PANK3: variants seen among roughly 807,000 people sequenced by gnomAD.
The protein encoded by PANK3 is pantothenate kinase 3.
PANK3 carries 20 observed loss-of-function variants against 39.4 expected under a neutral mutation model. The ratio of observed to expected loss-of-function variants is 0.51; its 90% CI spans 0.36 to 0.74. PANK3 has a LOEUF of 0.74. Ranked by LOEUF, PANK3 falls within the 30% of genes least tolerant of loss-of-function variation. The probability of loss-of-function intolerance (pLI) is 0.00; values close to 1 mark genes in which losing one functional copy is unlikely to be tolerated. For synonymous variants in PANK3, 140 were observed against 157.3 expected, an observed-to-expected ratio of 0.89 and a Z score of 0.82; for missense variants, 265 against 437.0, an observed-to-expected ratio of 0.61 and a Z score of 3.51.
At chr5:168,564,119 C>T in intron 3 of PANK3, 54 bp from the exon 4 acceptor site, 1 of 1,428,536 alleles carries the variant, frequency 7.0e-7, no homozygotes, top group South Asian at 1.5e-5. Context: ...TATTCTTTCT[C>T]TAAAGTAAAA....
At chr5:168,560,731 T>C (rs1225890735) in intron 5 of PANK3, among the ~76,000 whole-genome samples, 1 of 152,188 alleles carries the variant, frequency 6.6e-6, no homozygotes, top group Non-Finnish European at 1.5e-5. Flanking sequence ...TTTATAAAAA[T>C]TAAACGGGCA....
Position 168,561,398 on chromosome 5 carries a change from T to C in PANK3, c.931A>G (p.Asn311Asp). The stretch of plus-strand genomic sequence containing the variant: ...TGTGTTTTTTGTTTTTTTACCTCAT[T>C]AACAGCACACATTCGTGCCACAGAA... ...IGSVARMCAV[N>D]EKINRVVFVG... Residue 311 changes from asparagine to aspartate, a missense_variant, in exon 5 of 7, where the codon AAT becomes GAT. By Grantham distance (23) the Asn-to-Asp change is conservative. Coordinates refer to ENST00000239231, the MANE Select transcript of PANK3 (RefSeq NM_024594.4). The C allele has an allele frequency of 3.8e-6, 6 of 1,578,472 alleles. No individual in the cohort carries two copies. Among genetic ancestry groups the C allele is most frequent in the Non-Finnish European group, 5.1e-6 (6 of 1,166,304 alleles).
intron 1 of PANK3, 83 bp downstream of exon 1, chr5:168,579,173 G>A: frequency 7.6e-7 from 1 of 1,309,916 alleles, no homozygotes; most frequent in Non-Finnish European, 1.0e-6. Flanking sequence ...GACGGGCTTG[G>A]AAGCCGACCG....
intron 4 of PANK3, among the ~76,000 whole-genome samples, chr5:168,563,651 C>T (rs1175985740): frequency 1.3e-5 from 2 of 148,968 alleles, no homozygotes; most frequent in Non-Finnish European, 3.0e-5. Context: ...TTTGTATTTG[C>T]ATAAACACTG....
At chr5:168,561,953 CAATAGAA>C (rs1473874615) in intron 4 of PANK3, among the ~76,000 whole-genome samples, 15 of 152,148 alleles carry the variant, frequency 9.9e-5, no homozygotes, top group Non-Finnish European at 1.5e-4. Flanking sequence ...CAGCACTGTC[CAATAGAA>C]ATAAAATACG....
intron 2 of PANK3, among the ~76,000 whole-genome samples, chr5:168,567,862 C>T (rs1759561891): frequency 6.6e-6 from 1 of 152,174 alleles, no homozygotes; most frequent in South Asian, 2.1e-4. Context: ...TCAAGTGATC[C>T]TCCCACGTCA....
chr5:168,561,677 AAGAGT>A lies in PANK3; in HGVS notation c.813-166_813-162del, dbSNP rs532791477. Among the ~76,000 whole-genome samples, 719 of 152,300 alleles carry A rather than the reference AAGAGT, an allele frequency of 4.7e-3. 2 individuals are homozygous for A. The highest frequency in any genetic ancestry group is 0.017 in the African/African-American group (687 of 41,574). ...ACAAACTAACAAAAAAAATCTATGC[AAGAGT>A]AAAGTAATACCTTTCAAAGAATTAA... On this transcript the variant is annotated intron_variant, in intron 4 of 6. Transcript: ENST00000239231.
intron 5 of PANK3, chr5:168,560,963 C>T (rs201456319): frequency 1.6e-5 from 8 of 510,168 alleles, no homozygotes; most frequent in African/African-American, 3.9e-5. Context: ...GTAAAGAAGC[C>T]GAGGGCAGTA....
intron 1 of PANK3, among the ~76,000 whole-genome samples, chr5:168,575,305 C>T (rs1759714653): frequency 6.6e-6 from 1 of 152,176 alleles, no homozygotes; most frequent in South Asian, 2.1e-4. Context: ...TTACCAGACG[C>T]ATTATATATG....
intron 1 of PANK3, among the ~76,000 whole-genome samples, chr5:168,573,654 C>A (rs1284390683): frequency 7.1e-6 from 1 of 141,832 alleles, no homozygotes; most frequent in Non-Finnish European, 1.5e-5. Flanking sequence ...TCTCCCAATG[C>A]TATCCCTCCC....
chr5:168,575,900 G>T (rs1759724534), intron 1 of PANK3, among the ~76,000 whole-genome samples: 1 of 152,100 alleles, frequency 6.6e-6, no homozygotes. Context: ...GAAACATAGG[G>T]TATTTTAAAA....
chr5:168,578,172 GAA>G (rs1456532797), intron 1 of PANK3, among the ~76,000 whole-genome samples: 1 of 152,194 alleles, frequency 6.6e-6, no homozygotes, highest in Non-Finnish European at 1.5e-5. Flanking sequence ...TACATGCTTG[GAA>G]AAGTTACTCT....
intron 1 of PANK3, among the ~76,000 whole-genome samples, chr5:168,577,821 A>G (rs1450098297): frequency 6.6e-6 from 1 of 152,236 alleles, no homozygotes; most frequent in East Asian, 1.9e-4. Context: ...TGTTCACCAA[A>G]TGGAAATTCT....
At chr5:168,564,136 A>C in intron 3 of PANK3, 71 bp from the exon 4 acceptor site, 1 of 1,287,248 alleles carries the variant, frequency 7.8e-7, no homozygotes, top group South Asian at 1.8e-5. Flanking sequence ...AAAAGGGTGG[A>C]TCATTCATGT....
intron 1 of PANK3, 65 bp from the exon 2 acceptor site, chr5:168,569,063 C>T: frequency 2.9e-6 from 1 of 346,578 alleles, no homozygotes; most frequent in South Asian, 1.5e-4. Context: ...ATTTTAGAAA[C>T]ACAAATTAAA....
rs1040823720 is a variant in PANK3, at chr5:168,548,878, A to G, written c.*8693T>C. On this transcript the variant is annotated 3_prime_UTR_variant, in exon 7 of 7. Coordinates refer to ENST00000239231, the MANE Select transcript of PANK3 (RefSeq NM_024594.4). Reference sequence around the variant, plus strand: ...TCATACATTTTTACATCACAGATTCAGTGTTAAAAGAATTCAGACATGATA... The same window carrying G: ...TCATACATTTTTACATCACAGATTCGGTGTTAAAAGAATTCAGACATGATA... The G allele has an allele frequency of 2.0e-5, 3 of 152,214 alleles. No homozygotes were observed. Among genetic ancestry groups the G allele is most frequent in the Non-Finnish European group, 4.4e-5 (3 of 68,030 alleles). 9.4% of individuals were successfully genotyped at this position (152,214 alleles called of 1,614,324 possible).
At chr5:168,578,001 T>A (rs1309286083) in intron 1 of PANK3, among the ~76,000 whole-genome samples, 1 of 152,260 alleles carries the variant, frequency 6.6e-6, no homozygotes, top group African/African-American at 2.4e-5. Context: ...TGAACAACTA[T>A]GACAGGATCT....
At chr5:168,577,806 T>C (rs559401631) in intron 1 of PANK3, among the ~76,000 whole-genome samples, 1 of 152,352 alleles carries the variant, frequency 6.6e-6, no homozygotes, top group East Asian at 1.9e-4. Flanking sequence ...GAGTTGGTCA[T>C]ACACTGTTCA....
chr5:168,577,427 C>G, intron 1 of PANK3, among the ~76,000 whole-genome samples: 1 of 151,836 alleles, frequency 6.6e-6, no homozygotes. Flanking sequence ...GGGGTATTCT[C>G]TAATTTCTCA....
Sources: gnomAD v4.1 joint callset for allele counts (sites outside exome capture counted in the v4.1 genomes callset) on GRCh38, gnomAD v4.1.1 for gene constraint, MANE v1.5 for transcripts, NCBI Gene and HGNC (gene_info 2026-07-23, HGNC 2026-07-21) for gene names.